Variants in ARL14EP observed in about 807,000 individuals in gnomAD.
The protein encoded by ARL14EP is ARL14 effector protein.
In ARL14EP, 12 loss-of-function variants were observed where a neutral mutation model predicts 23.1. The observed-to-expected ratio is 0.52, with a 90% CI of 0.33 to 0.84. ARL14EP has a LOEUF of 0.84. ARL14EP is among the 40% of genes least tolerant of loss of function. The pLI is 0.02. For missense variants in ARL14EP, 253 were observed against 307.3 expected, an observed-to-expected ratio of 0.82 and a Z score of 1.32; for synonymous variants, 97 against 102.0, an observed-to-expected ratio of 0.95 and a Z score of 0.29.
intron 1 of ARL14EP, chr11:30,329,840 A>T (rs1323028269): frequency 6.6e-6 from 1 of 152,024 alleles, no homozygotes; most frequent in Non-Finnish European, 1.5e-5. Context: ...ACACCTTTCA[A>T]GTGTCTTTTT....
chr11:30,328,769 T>C (rs1947261427), intron 1 of ARL14EP: 1 of 152,108 alleles, frequency 6.6e-6, no homozygotes, highest in African/African-American at 2.4e-5. Context: ...AAAATGTGTT[T>C]AAGATTTCTC....
chr11:30,336,873 G>C lies in ARL14EP; in HGVS notation c.*78G>C. 1 of 1,310,426 alleles carries C rather than the reference G, an allele frequency of 7.6e-7. No individual in the cohort carries two copies. Among genetic ancestry groups the C allele is most frequent in the South Asian group, 1.2e-5 (1 of 80,952 alleles). 81.2% of individuals were successfully genotyped at this position (1,310,426 alleles called of 1,614,324 possible). A position where few individuals can be genotyped will look rare whatever the true frequency, so the allele number is the denominator to read the frequency against. On this transcript the variant is annotated 3_prime_UTR_variant, in exon 4 of 4. Transcript: ENST00000282032. The stretch of plus-strand genomic sequence containing the variant: ...TTACTCTAAGATACATTTTAAGCTT[G>C]ATTATCATATGACAAAGATTTTAAA...
intron 1 of ARL14EP, among the ~76,000 whole-genome samples, chr11:30,325,632 A>T (rs1028796746): frequency 6.6e-6 from 1 of 152,114 alleles, no homozygotes; most frequent in Non-Finnish European, 1.5e-5. Context: ...TTTTTCTTCC[A>T]TGAAGAGTAC....
chr11:30,328,141 T>C (rs541606375), intron 1 of ARL14EP: 3 of 145,010 alleles, frequency 2.1e-5, no homozygotes, highest in Admixed American at 6.7e-5. Flanking sequence ...AAAAAAAATT[T>C]TTTTTATTTT....
chr11:30,335,173 A>G (rs903877777), intron 3 of ARL14EP, among the ~76,000 whole-genome samples: 5 of 152,206 alleles, frequency 3.3e-5, no homozygotes, highest in Admixed American at 3.3e-4. Context: ...GGAAATAGCA[A>G]GAGAACTAGA....
In ARL14EP at chr11:30,332,946, A is replaced by C. The variant is rs1450298934; in HGVS notation, c.507A>C (p.Lys169Asn). ...CTGAATTTGCTCCAGAAACTGGTAA[A>C]AGAGAAAAAAGAAGGCTTACAAAAA... ...RQTEFAPETGKREKRRLTKNA... is the reference protein window; with the variant it reads ...RQTEFAPETGNREKRRLTKNA... The change falls in exon 3 of 4, where the codon AAA becomes AAC. Residue 169 changes from lysine to asparagine, a missense_variant. Transcript: ENST00000282032. The C allele has an allele frequency of 6.2e-7, 1 of 1,613,530 alleles. No homozygotes were observed. The highest frequency in any genetic ancestry group is 1.3e-5 in the African/African-American group (1 of 74,926).
At position 30,325,798 on chromosome 11, in the gene ARL14EP, G is replaced by T. The variant is rs577601665; in HGVS notation, c.-64+2596G>T. Among the ~76,000 whole-genome samples the T allele has an allele frequency of 4.6e-5, 7 of 152,340 alleles. No individual in the cohort carries two copies. The South Asian group carries it at 1.4e-3, about 32-fold the overall frequency. On this transcript the variant is annotated intron_variant, in intron 1 of 3. Transcript: ENST00000282032. ...CAGGAATATTGAAATAAATGTGCAA[G>T]TGAGGGCAAAATTGGCTGCTTCCAC... is the stretch of plus-strand genomic sequence containing the variant.
In ARL14EP at chr11:30,334,208, C is replaced by CTTTTTTTTTTTTTTTTTTTTTTT. The variant is rs36111177; in HGVS notation, c.554+1218_554+1240dup. 6.2e-4 allele frequency among the ~76,000 whole-genome samples: 53 copies of CTTTTTTTTTTTTTTTTTTTTTTT among 86,036 alleles called. 5 individuals carry two copies. Among genetic ancestry groups the CTTTTTTTTTTTTTTTTTTTTTTT allele is most frequent in the East Asian group, 5.1e-3 (7 of 1,362 alleles). 56.4% of individuals were successfully genotyped at this position (86,036 alleles called of 152,430 possible). A position where few individuals can be genotyped will look rare whatever the true frequency, so the allele number is the denominator to read the frequency against. On this transcript the variant is annotated intron_variant, in intron 3 of 3. Transcript: ENST00000282032. ...CAGATTTTCAATGTAGACCAGCCTT[C>CTTTTTTTTTTTTTTTTTTTTTTT]TTTTTTTTTTTTTTTTTTTTTTTTT... is the stretch of plus-strand genomic sequence containing the variant.
At chr11:30,327,842 G>T (rs1437354642) in intron 1 of ARL14EP, among the ~76,000 whole-genome samples, 6 of 151,280 alleles carry the variant, frequency 4.0e-5, no homozygotes. Flanking sequence ...CAGGCGTGGT[G>T]GCGGGCACCT....
intron 3 of ARL14EP, among the ~76,000 whole-genome samples, chr11:30,333,681 C>T (rs1467151239): frequency 6.6e-6 from 1 of 152,130 alleles, no homozygotes; most frequent in African/African-American, 2.4e-5. Context: ...ATTGGTCCAA[C>T]TAATAACCCT....
intron 1 of ARL14EP, among the ~76,000 whole-genome samples, chr11:30,325,553 A>G (rs1033040736): frequency 2.6e-5 from 4 of 152,202 alleles, no homozygotes; most frequent in African/African-American, 9.6e-5. Context: ...TATTTATACC[A>G]TGGTGAATCT....
intron 1 of ARL14EP, chr11:30,329,365 T>C (rs1353270643): frequency 1.3e-5 from 2 of 152,132 alleles, no homozygotes; most frequent in Non-Finnish European, 2.9e-5. Flanking sequence ...ATTAGGTTAT[T>C]TGTCATCTTT....
At chr11:30,335,611 C>T (rs184648094) in intron 3 of ARL14EP, among the ~76,000 whole-genome samples, 4 of 152,300 alleles carry the variant, frequency 2.6e-5, no homozygotes, top group African/African-American at 7.2e-5. Context: ...AACTACAACT[C>T]ATTGAAGTTT....
In ARL14EP at chr11:30,325,243, G is replaced by A. The variant is rs1231285101; in HGVS notation, c.-64+2041G>A. On this transcript the variant is annotated intron_variant, in intron 1 of 3. Coordinates refer to ENST00000282032, the MANE Select transcript of ARL14EP (RefSeq NM_152316.3). Reference sequence around the variant, plus strand: ...TTGGCCAAAGCTCAGGAACCTGGGGGAAGGAGAGAAACTAAAGTTTGATTA... The same window carrying A: ...TTGGCCAAAGCTCAGGAACCTGGGGAAAGGAGAGAAACTAAAGTTTGATTA... 3.3e-5 allele frequency among the ~76,000 whole-genome samples: 5 copies of A among 152,180 alleles called. No individual in the cohort carries two copies. In the East Asian group the frequency reaches 9.6e-4, roughly 29 times the overall value.
At chr11:30,334,623 G>T (rs1044112905) in intron 3 of ARL14EP, among the ~76,000 whole-genome samples, 3 of 152,148 alleles carry the variant, frequency 2.0e-5, no homozygotes, top group African/African-American at 7.2e-5. Flanking sequence ...TGGTAGGGAC[G>T]AATGCAGCTG....
intron 1 of ARL14EP, chr11:30,329,381 C>T (rs183168324): frequency 6.6e-6 from 1 of 152,080 alleles, no homozygotes; most frequent in African/African-American, 2.4e-5. Context: ...TCTTTCACTG[C>T]CAAAGGCAGT....
Position 30,337,737 on chromosome 11 carries a change from TAGAA to T in ARL14EP, c.*943_*946del, listed in dbSNP as rs1947345234. On this transcript the variant is annotated 3_prime_UTR_variant, in exon 4 of 4. Coordinates refer to ENST00000282032, the MANE Select transcript of ARL14EP (RefSeq NM_152316.3). ...AAAAGGGTGGAAGCTGACCCAAACT[TAGAA>T]GGAGTATGGCAGTTTGCCGTGAACA... 6.6e-6 allele frequency: 1 copy of T among 152,134 alleles called. No homozygotes were observed. Among genetic ancestry groups the T allele is most frequent in the Non-Finnish European group, 1.5e-5 (1 of 68,016 alleles). 9.4% of individuals were successfully genotyped at this position (152,134 alleles called of 1,614,324 possible). A position where few individuals can be genotyped will look rare whatever the true frequency, so the allele number is the denominator to read the frequency against.
Position 30,336,666 on chromosome 11 carries a change from A to T in ARL14EP, c.654A>T (p.Gly218=), listed in dbSNP as rs1229126646. The change falls in exon 4 of 4, where the codon GGA becomes GGT. Residue 218 remains glycine (G), a synonymous_variant. Transcript: ENST00000282032. ...ACTGCCTGGATGAAGACTGCTTAGG[A>T]TGTTTCTATGCTTGTCCTGCCTGTG... ...LCDCLDEDCL[G]CFYACPACGS... The T allele has an allele frequency of 1.2e-6, 2 of 1,614,114 alleles. No homozygotes were observed. Among genetic ancestry groups the T allele is most frequent in the South Asian group, 1.1e-5 (1 of 91,080 alleles).
rs1473789456 is a variant in ARL14EP at position 30,336,847 on chromosome 11, G to A, written c.*52G>A. 2.1e-6 allele frequency: 3 copies of A among 1,459,886 alleles called. No individual in the cohort carries two copies. Among genetic ancestry groups the A allele is most frequent in the Non-Finnish European group, 2.9e-6 (3 of 1,044,544 alleles). 90.4% of individuals were successfully genotyped at this position (1,459,886 alleles called of 1,614,324 possible). A position where few individuals can be genotyped will look rare whatever the true frequency, so the allele number is the denominator to read the frequency against. On this transcript the variant is annotated 3_prime_UTR_variant, in exon 4 of 4. Transcript: ENST00000282032. ...TAAAGGTCTTTATTTCTAAAAATCT[G>A]TTACTCTAAGATACATTTTAAGCTT... is the stretch of plus-strand genomic sequence containing the variant.
Sources: gnomAD v4.1 joint callset for allele counts (sites outside exome capture counted in the v4.1 genomes callset) on GRCh38, gnomAD v4.1.1 for gene constraint, MANE v1.5 for transcripts, NCBI Gene and HGNC (gene_info 2026-07-23, HGNC 2026-07-21) for gene names.